CFAP47: variants seen among roughly 807,000 people sequenced by gnomAD.
CFAP47 encodes the protein cilia- and flagella-associated protein 47.
In CFAP47, 29 loss-of-function variants were observed where a neutral mutation model predicts 148.1. The observed-to-expected ratio is 0.20, with a 90% CI of 0.15 to 0.27. The LOEUF (loss-of-function observed/expected upper bound fraction) is 0.27. CFAP47 is among the 10% of genes least tolerant of loss of function. The pLI is 1.00. For synonymous variants in CFAP47, 664 were observed against 577.3 expected, an observed-to-expected ratio of 1.15 and a Z score of -2.15; for missense variants, 1,872 against 1,697.5, an observed-to-expected ratio of 1.10 and a Z score of -1.81.
At chrX:36,267,744 C>T (rs1556001265) in intron 49 of CFAP47, among the ~76,000 whole-genome samples, 1 of 111,964 alleles carries the variant, frequency 8.9e-6, no homozygotes, top group Non-Finnish European at 1.9e-5. Context: ...TCCCAAAGTG[C>T]TGGGATTACA....
At chrX:36,214,190 A>G (rs889089746) in intron 45 of CFAP47, among the ~76,000 whole-genome samples, 1 of 112,107 alleles carries the variant, frequency 8.9e-6, no homozygotes, top group East Asian at 2.8e-4. Flanking sequence ...ACTGTAAGCA[A>G]TTGTAACACA....
chrX:36,378,895 T>A (rs1215349600), intron 62 of CFAP47, among the ~76,000 whole-genome samples: 3 of 110,991 alleles, frequency 2.7e-5, no homozygotes, highest in African/African-American at 9.9e-5. Flanking sequence ...CACTGCAACC[T>A]CTACCTCCCA....
At chrX:36,339,730 A>G (rs1941637419) in intron 57 of CFAP47, among the ~76,000 whole-genome samples, 1 of 111,993 alleles carries the variant, frequency 8.9e-6, no homozygotes, top group Admixed American at 9.5e-5. Flanking sequence ...TGTTCACAGT[A>G]AAAGCAATTT....
At chrX:36,366,485 C>T (rs1941877534) in intron 61 of CFAP47, among the ~76,000 whole-genome samples, 1 of 111,773 alleles carries the variant, frequency 8.9e-6, no homozygotes. Context: ...ATTGTATGGG[C>T]TTTGCATGTT....
At chrX:36,054,014 G>T (rs1937534784) in intron 26 of CFAP47, among the ~76,000 whole-genome samples, 1 of 112,409 alleles carries the variant, frequency 8.9e-6, no homozygotes, top group Non-Finnish European at 1.9e-5. Context: ...GTTGGTTGGA[G>T]AACCTCTGCC....
At chrX:36,146,071 T>C (rs1294063792) in intron 36 of CFAP47, among the ~76,000 whole-genome samples, 1 of 111,748 alleles carries the variant, frequency 8.9e-6, no homozygotes, top group Non-Finnish European at 1.9e-5. Flanking sequence ...GTATTTACTA[T>C]GATAATTTGC....
chrX:36,039,259 G>C, intron 25 of CFAP47, 80 bp downstream of exon 25: 1 of 431,401 alleles, frequency 2.3e-6, no homozygotes, highest in Non-Finnish European at 3.6e-6. Flanking sequence ...AATTATATAA[G>C]AATGGCTTGT....
intron 62 of CFAP47, among the ~76,000 whole-genome samples, chrX:36,371,188 A>G (rs944702028): frequency 2.7e-5 from 3 of 111,314 alleles, no homozygotes; most frequent in Non-Finnish European, 5.7e-5. Context: ...ACTTTTTACT[A>G]ACGTCTGCCC....
At chrX:36,028,155 C>T (rs781666445) in intron 22 of CFAP47, among the ~76,000 whole-genome samples, 14 of 111,120 alleles carry the variant, frequency 1.3e-4, no homozygotes, top group African/African-American at 4.2e-4. Context: ...TTTGTAGTTA[C>T]AATAAGTCCC....
In CFAP47 at chrX:36,113,030, T is replaced by C. The variant is rs1488383419; in HGVS notation, c.5320+8339T>C. On this transcript the variant is annotated intron_variant, in intron 33 of 63. Coordinates refer to ENST00000378653, the MANE Select transcript of CFAP47 (RefSeq NM_001304548.2). ...CTTGATGACAGTATACCAATGGGTC[T>C]TGGTTCTTTATCCAGCTTGCCACTC... Among the ~76,000 whole-genome samples, 11 of 112,129 alleles carry C rather than the reference T, an allele frequency of 9.8e-5. No individual in the cohort carries two copies. In the Admixed American group the frequency reaches 1.0e-3, roughly 11 times the overall value.
At chrX:36,150,328 A>T (rs1339509036) in intron 37 of CFAP47, among the ~76,000 whole-genome samples, 1 of 112,092 alleles carries the variant, frequency 8.9e-6, no homozygotes, top group Non-Finnish European at 1.9e-5. Context: ...ATGCCAACAC[A>T]TGCTAATGAC....
At chrX:36,121,363 A>G (rs1011442087) in intron 33 of CFAP47, among the ~76,000 whole-genome samples, 19 of 111,086 alleles carry the variant, frequency 1.7e-4, no homozygotes, top group African/African-American at 5.2e-4. Flanking sequence ...TTTACATTCA[A>G]TATTATTATT....
At chrX:36,147,202 A>T (rs1939248306) in intron 36 of CFAP47, among the ~76,000 whole-genome samples, 1 of 107,035 alleles carries the variant, frequency 9.3e-6, no homozygotes, top group Non-Finnish European at 1.9e-5. Flanking sequence ...TTGAAACAAA[A>T]TTTACACAGA....
chrX:36,152,582 C>A (rs1282490018), intron 37 of CFAP47, among the ~76,000 whole-genome samples: 1 of 111,037 alleles, frequency 9.0e-6, no homozygotes, highest in Non-Finnish European at 1.9e-5. Flanking sequence ...TAAGTAGCAC[C>A]CACTGTGTGG....
At chrX:36,292,357 T>C (rs1941201529) in intron 51 of CFAP47, among the ~76,000 whole-genome samples, 1 of 112,066 alleles carries the variant, frequency 8.9e-6, no homozygotes, top group South Asian at 3.7e-4. Context: ...ATTATAATGA[T>C]CACTTCCTCT....
chrX:36,219,981 G>C (rs782502803), intron 45 of CFAP47, among the ~76,000 whole-genome samples: 1 of 111,402 alleles, frequency 9.0e-6, no homozygotes, highest in African/African-American at 3.3e-5. Context: ...ACCTGTCTCA[G>C]ATTTTCAGGG....
chrX:36,071,695 GTCATAGATAGATGGAT>G, intron 27 of CFAP47, 114 bp from the exon 28 acceptor site: 1 of 487,942 alleles, frequency 2.0e-6, no homozygotes, highest in Non-Finnish European at 3.1e-6. Flanking sequence ...TTTTTACTTT[GTCATAGATAGATGGAT>G]ACATAGATAG....
Position 36,159,469 on chromosome X carries a change from C to T in CFAP47, c.5830C>T (p.Arg1944Cys), listed in dbSNP as rs899444258. The change falls in exon 38 of 64, where the codon CGT (arginine) becomes TGT (cysteine). Residue 1944 changes from arginine to cysteine, a missense_variant. Transcript: ENST00000378653. Reference sequence around the variant, plus strand: ...TCTGAAATTCACCAGTCGCTTTATTCGTCCTGCTGAAGCTTCACTACTATT... The same window carrying T: ...TCTGAAATTCACCAGTCGCTTTATTTGTCCTGCTGAAGCTTCACTACTATT... ...VTLKFTSRFI[R>C]PAEASLLLIS... is the part of the protein sequence containing the mutation. 71 of 287,526 alleles carry T rather than the reference C, an allele frequency of 2.5e-4. No homozygotes were observed. Among genetic ancestry groups the T allele is most frequent in the African/African-American group, 1.6e-3 (58 of 36,159 alleles). 23.7% of individuals were successfully genotyped at this position (287,526 alleles called of 1,213,427 possible).
intron 42 of CFAP47, among the ~76,000 whole-genome samples, chrX:36,193,282 A>G (rs1177313169): frequency 1.8e-5 from 2 of 112,058 alleles, no homozygotes; most frequent in African/African-American, 6.5e-5. Flanking sequence ...TTGCTTGTTT[A>G]TTGAATGTGA....
Sources: allele counts gnomAD v4.1 joint callset (sites outside exome capture counted in the v4.1 genomes callset), GRCh38; gene constraint gnomAD v4.1.1; transcripts MANE v1.5; gene names NCBI Gene and HGNC (gene_info 2026-07-23, HGNC 2026-07-21).